Variants in EHMT1 observed in about 807,000 individuals in gnomAD.
EHMT1 encodes euchromatic histone lysine methyltransferase 1.
In EHMT1, 15 loss-of-function variants were observed where a neutral mutation model predicts 147.2. The ratio of observed to expected loss-of-function variants is 0.10; its 90% CI spans 0.07 to 0.16. The LOEUF is 0.16. Ranked by LOEUF, EHMT1 falls within the 10% of genes least tolerant of loss-of-function variation. The pLI, the probability that EHMT1 is intolerant of heterozygous loss-of-function variation, is 1.00. For synonymous variants in EHMT1, 795 were observed against 709.6 expected (o/e 1.12, Z -1.91); for missense variants, 1,587 against 1,772.4 (o/e 0.90, Z 1.88).
chr9:137,723,174 G>C (rs528628603), intron 3 of EHMT1, among the ~76,000 whole-genome samples: 4 of 123,754 alleles, frequency 3.2e-5, no homozygotes, highest in Admixed American at 3.2e-4. Flanking sequence ...CTGGGCCTGA[G>C]TCCGGGGTGT....
intron 1 of EHMT1, among the ~76,000 whole-genome samples, chr9:137,653,709 GT>G (rs979818439): frequency 1.3e-5 from 2 of 152,028 alleles, no homozygotes; most frequent in African/African-American, 4.8e-5. Flanking sequence ...TGTATTTTTA[GT>G]AGAGATGGGG....
At chr9:137,728,681 G>C in intron 4 of EHMT1, 152 bp downstream of exon 4, 1 of 931,730 alleles carries the variant, frequency 1.1e-6, no homozygotes, top group Non-Finnish European at 1.7e-6. Context: ...TCGCCTGTAT[G>C]CCTGAGGAGG....
intron 1 of EHMT1, chr9:137,646,188 G>A (rs899680990): frequency 3.0e-5 from 6 of 200,026 alleles, no homozygotes; most frequent in Non-Finnish European, 5.4e-5. Context: ...TTGATCTCCT[G>A]GCCTCAGGTG....
At chr9:137,830,094 T>C (rs1044022212) in intron 25 of EHMT1, among the ~76,000 whole-genome samples, 2 of 145,964 alleles carry the variant, frequency 1.4e-5, no homozygotes, top group Non-Finnish European at 2.9e-5. Flanking sequence ...GGCTCATGGA[T>C]TTTTACTTTT....
intron 1 of EHMT1, among the ~76,000 whole-genome samples, chr9:137,694,748 C>G (rs567585764): frequency 2.0e-5 from 3 of 152,178 alleles, no homozygotes; most frequent in Non-Finnish European, 4.4e-5. Context: ...AGGAGGCTGG[C>G]GAGCAGGTGA....
At chr9:137,647,876 C>T (rs1327223513) in intron 1 of EHMT1, among the ~76,000 whole-genome samples, 1 of 152,140 alleles carries the variant, frequency 6.6e-6, no homozygotes, top group East Asian at 1.9e-4. Flanking sequence ...GGATTACAGA[C>T]GTGAGCCACC....
chr9:137,802,112 T>C (rs755975996), intron 18 of EHMT1, among the ~76,000 whole-genome samples: 1 of 152,208 alleles, frequency 6.6e-6, no homozygotes, highest in Non-Finnish European at 1.5e-5. Context: ...GGTGACTGAT[T>C]AACTCAAAAG....
intron 1 of EHMT1, chr9:137,641,247 G>T: frequency 4.7e-6 from 2 of 427,850 alleles, no homozygotes; most frequent in South Asian, 3.8e-5. Context: ...TTCTGCATTT[G>T]ACTTGAAGAG....
At chr9:137,712,354 T>TC (rs1944820008) in intron 2 of EHMT1, among the ~76,000 whole-genome samples, 1 of 152,170 alleles carries the variant, frequency 6.6e-6, no homozygotes, top group Non-Finnish European at 1.5e-5. Context: ...AGCCACGGCC[T>TC]CTCCACCCTG....
chr9:137,827,994 C>T (rs1955930108), intron 25 of EHMT1, among the ~76,000 whole-genome samples: 1 of 152,084 alleles, frequency 6.6e-6, no homozygotes, highest in African/African-American at 2.4e-5. Context: ...GGCCGTGCCC[C>T]TGTGTGAAGG....
chr9:137,715,518 CA>C, intron 2 of EHMT1: 1 of 983,700 alleles, frequency 1.0e-6, no homozygotes, highest in South Asian at 4.7e-5. Context: ...TGATAAGCAC[CA>C]GGAAGAACAG....
At chr9:137,683,324 G>C (rs4416899) in intron 1 of EHMT1, among the ~76,000 whole-genome samples, 1 of 152,230 alleles carries the variant, frequency 6.6e-6, no homozygotes. Context: ...ATAGCAGTGA[G>C]AATTTCTGCT....
At chr9:137,745,461 T>C (rs1948463010) in intron 6 of EHMT1, 1 of 398,628 alleles carries the variant, frequency 2.5e-6, no homozygotes, top group Non-Finnish European at 4.4e-6. Context: ...TTTTTTCTCC[T>C]CTTATATGAA....
intron 4 of EHMT1, among the ~76,000 whole-genome samples, chr9:137,729,012 C>T (rs1285295951): frequency 1.3e-5 from 2 of 152,152 alleles, no homozygotes; most frequent in African/African-American, 2.4e-5. Flanking sequence ...AGTGGATGAA[C>T]GTTTGATTCC....
At chr9:137,730,911 T>G (rs1031448340) in intron 4 of EHMT1, among the ~76,000 whole-genome samples, 71 of 152,256 alleles carry the variant, frequency 4.7e-4, no homozygotes, top group Non-Finnish European at 8.2e-4. Flanking sequence ...TACCAACTTT[T>G]TTTGCTATTT....
At chr9:137,634,136 T>G (rs1843810792) in intron 1 of EHMT1, among the ~76,000 whole-genome samples, 1 of 152,168 alleles carries the variant, frequency 6.6e-6, no homozygotes, top group Non-Finnish European at 1.5e-5. Context: ...CTTGATGCCT[T>G]CCTTTGAAGC....
intron 4 of EHMT1, among the ~76,000 whole-genome samples, chr9:137,741,408 G>T (rs991790348): frequency 6.7e-6 from 1 of 150,276 alleles, no homozygotes; most frequent in African/African-American, 2.4e-5. Flanking sequence ...GGTAGCAAAC[G>T]TCAGCGCCTT....
intron 1 of EHMT1, among the ~76,000 whole-genome samples, chr9:137,660,867 G>A (rs977354789): frequency 6.6e-5 from 10 of 152,276 alleles, no homozygotes; most frequent in South Asian, 4.1e-4. Context: ...TGCTGTTGTA[G>A]AATAACCACA....
At chr9:137,758,080 T>C in intron 9 of EHMT1, 69 bp downstream of exon 9, 1 of 1,604,216 alleles carries the variant, frequency 6.2e-7, no homozygotes, top group Non-Finnish European at 8.5e-7. Context: ...CCTTCCTCTG[T>C]ATTAGCATGA....
Sources: allele counts gnomAD v4.1 joint callset (sites outside exome capture counted in the v4.1 genomes callset), GRCh38; gene constraint gnomAD v4.1.1; transcripts MANE v1.5; gene names NCBI Gene and HGNC (gene_info 2026-07-23, HGNC 2026-07-21).